The following NRXN1 variants were observed in gnomAD, a reference collection of about 807,000 sequenced individuals.
The protein encoded by NRXN1 is neurexin-1.
NRXN1 carries 39 observed loss-of-function variants against 150.9 expected under a neutral mutation model. That is an observed-to-expected ratio of 0.26 (90% CI 0.20 to 0.34). The LOEUF (loss-of-function observed/expected upper bound fraction) is 0.34, where lower values mean the gene tolerates loss of function less well. Ranked by LOEUF, NRXN1 falls within the 10% of genes least tolerant of loss-of-function variation. The pLI is 1.00. For synonymous variants in NRXN1, 924 were observed against 757.0 expected (o/e 1.22, Z -3.62); for missense variants, 1,815 against 1,949.9 (o/e 0.93, Z 1.30).
At chr2:50,106,813 C>G (rs896559724) in intron 18 of NRXN1, among the ~76,000 whole-genome samples, 8 of 151,874 alleles carry the variant, frequency 5.3e-5, no homozygotes, top group African/African-American at 1.9e-4. Flanking sequence ...TTCAAAGTAT[C>G]TCATAAATGT....
intron 19 of NRXN1, among the ~76,000 whole-genome samples, chr2:50,088,782 C>T (rs1412213174): frequency 1.3e-5 from 2 of 152,010 alleles, no homozygotes; most frequent in African/African-American, 4.8e-5. Context: ...TTAATAAGTA[C>T]TGCCTCAATC....
intron 2 of NRXN1, among the ~76,000 whole-genome samples, chr2:50,971,507 C>G (rs939776801): frequency 6.6e-6 from 1 of 151,980 alleles, no homozygotes; most frequent in Non-Finnish European, 1.5e-5. Flanking sequence ...CACTTGAACC[C>G]AGGAGGAGGA....
chr2:50,450,785 G>C (rs560197035), intron 17 of NRXN1, among the ~76,000 whole-genome samples: 1 of 152,138 alleles, frequency 6.6e-6, no homozygotes, highest in Non-Finnish European at 1.5e-5. Context: ...CAGCCAGAGA[G>C]ACAGAATTCA....
At chr2:50,597,866 C>T (rs1675491304) in intron 8 of NRXN1, among the ~76,000 whole-genome samples, 1 of 152,188 alleles carries the variant, frequency 6.6e-6, no homozygotes, top group South Asian at 2.1e-4. Context: ...CAGCGGGGCA[C>T]AGTGGCTCAC....
chr2:50,707,785 C>T (rs948564430), intron 5 of NRXN1, among the ~76,000 whole-genome samples: 7 of 152,086 alleles, frequency 4.6e-5, no homozygotes, highest in African/African-American at 1.2e-4. Flanking sequence ...AAAATGTTTC[C>T]GTCTTCATTC....
chr2:50,439,157 A>C (rs1447181529), intron 17 of NRXN1, among the ~76,000 whole-genome samples: 1 of 152,206 alleles, frequency 6.6e-6, no homozygotes, highest in Non-Finnish European at 1.5e-5. Context: ...CAATACCTCC[A>C]GCACTAAGAG....
At chr2:50,269,440 G>A (rs116454366) in intron 17 of NRXN1, among the ~76,000 whole-genome samples, 5,216 of 152,170 alleles carry the variant, frequency 0.034, 292 homozygotes, top group African/African-American at 0.12. Context: ...TTACGTCTAC[G>A]TATTTACACA....
intron 5 of NRXN1, chr2:50,632,495 A>G (rs750318197): frequency 6.6e-6 from 1 of 152,004 alleles, no homozygotes; most frequent in African/African-American, 2.4e-5. Context: ...TATCATCAGC[A>G]TTACTTGGAG....
chr2:50,378,439 C>T (rs1421956514), intron 17 of NRXN1, among the ~76,000 whole-genome samples: 2 of 152,056 alleles, frequency 1.3e-5, no homozygotes, highest in Non-Finnish European at 2.9e-5. Context: ...TATGAGCTTA[C>T]AGTTGGGCAA....
At chr2:50,546,738 G>T (rs1437940338) in intron 9 of NRXN1, among the ~76,000 whole-genome samples, 1 of 151,934 alleles carries the variant, frequency 6.6e-6, no homozygotes, top group Non-Finnish European at 1.5e-5. Flanking sequence ...GACCCCATCT[G>T]GTCATATGAT....
rs1178041651 is a variant in NRXN1 at position 50,620,058 on chromosome 2, T to C, written c.1284A>G (p.Ser428=). ...AGCCCATAAAGTTGTTACTGACTGG[T>C]GACCCTGGAAGGTCGGCTGTGCTGG... The part of the protein sequence containing the change: ...GSPSTADLPG[S]PVSNNFMGCL... Residue 428 remains serine, a synonymous_variant, in exon 8 of 23, where the codon TCA becomes TCG. Transcript: ENST00000401669. 3.1e-6 allele frequency: 5 copies of C among 1,610,562 alleles called. No individual in the cohort carries two copies. Among genetic ancestry groups the C allele is most frequent in the African/African-American group, 1.3e-5 (1 of 74,840 alleles).
rs547262266 is a variant in NRXN1, at chr2:50,640,711, C to T, written c.833-17096G>A. Among the ~76,000 whole-genome samples the T allele has an allele frequency of 3.8e-4, 58 of 152,248 alleles. No individual in the cohort carries two copies. The South Asian group carries it at 9.9e-3, about 26-fold the overall frequency. Reference sequence around the variant, plus strand: ...GAGAGTAATATAGGATTGTATCTTGCGACTGACTTAGACAATCACATTTGC... The same window carrying T: ...GAGAGTAATATAGGATTGTATCTTGTGACTGACTTAGACAATCACATTTGC... On this transcript the variant is annotated intron_variant, in intron 5 of 22. Coordinates refer to ENST00000401669, the MANE Select transcript of NRXN1 (RefSeq NM_001330078.2).
rs2060946760 is a variant in NRXN1 at position 50,184,644 on chromosome 2, A to G, written c.3546+52145T>C. 2.0e-5 allele frequency among the ~76,000 whole-genome samples: 3 copies of G among 152,026 alleles called. No homozygotes were observed. The South Asian group carries it at 6.2e-4, about 31-fold the overall frequency. Reference sequence around the variant, plus strand: ...ATTTAAATTAGAAACACATTTCAAAATTCATGACCTTGGAAACTCTCATTT... The same window carrying G: ...ATTTAAATTAGAAACACATTTCAAAGTTCATGACCTTGGAAACTCTCATTT... On this transcript the variant is annotated intron_variant, in intron 18 of 22. Coordinates refer to ENST00000401669, the MANE Select transcript of NRXN1 (RefSeq NM_001330078.2).
chr2:50,644,551 G>C (rs1310421220), intron 5 of NRXN1, among the ~76,000 whole-genome samples: 1 of 151,514 alleles, frequency 6.6e-6, no homozygotes, highest in Non-Finnish European at 1.5e-5. Flanking sequence ...AATACATCCT[G>C]ATGGACGGCT....
At chr2:50,150,519 A>G (rs2058635294) in intron 18 of NRXN1, among the ~76,000 whole-genome samples, 1 of 151,810 alleles carries the variant, frequency 6.6e-6, no homozygotes, top group African/African-American at 2.4e-5. Flanking sequence ...GCAAAAGTAT[A>G]TTACTGCTAA....
chr2:50,612,486 T>C (rs1204790134), intron 8 of NRXN1, among the ~76,000 whole-genome samples: 1 of 152,214 alleles, frequency 6.6e-6, no homozygotes, highest in Non-Finnish European at 1.5e-5. Context: ...GTTGTTTTAC[T>C]GTGTTCCTGA....
At chr2:50,308,579 C>T (rs1011576229) in intron 17 of NRXN1, among the ~76,000 whole-genome samples, 1 of 151,982 alleles carries the variant, frequency 6.6e-6, no homozygotes, top group East Asian at 1.9e-4. Flanking sequence ...CTGTCTAACG[C>T]CTGGCATCAA....
chr2:50,000,931 A>T (rs1183700752), intron 21 of NRXN1, among the ~76,000 whole-genome samples: 1 of 152,202 alleles, frequency 6.6e-6, no homozygotes, highest in Non-Finnish European at 1.5e-5. Context: ...GGGTTGTTCA[A>T]TTGTGAAAGT....
At chr2:50,909,096 T>C (rs1196555044) in intron 5 of NRXN1, among the ~76,000 whole-genome samples, 1 of 152,096 alleles carries the variant, frequency 6.6e-6, no homozygotes, top group Non-Finnish European at 1.5e-5. Flanking sequence ...ATAATGTTTT[T>C]AACTCTAGAG....
Sources: gnomAD v4.1 joint callset for allele counts (sites outside exome capture counted in the v4.1 genomes callset) on GRCh38, gnomAD v4.1.1 for gene constraint, MANE v1.5 for transcripts, NCBI Gene and HGNC (gene_info 2026-07-23, HGNC 2026-07-21) for gene names.